The following GALNT18 variants were observed in gnomAD, a reference collection of about 807,000 sequenced individuals.
GALNT18 encodes the protein polypeptide N-acetylgalactosaminyltransferase 18.
A neutral mutation model predicts 69.5 loss-of-function variants in GALNT18; 44 were observed. The ratio of observed to expected loss-of-function variants is 0.63; its 90% CI spans 0.50 to 0.81. The LOEUF (loss-of-function observed/expected upper bound fraction) is 0.81. GALNT18 is among the 40% of genes least tolerant of loss of function. The pLI, the probability that GALNT18 is intolerant of heterozygous loss-of-function variation, is 0.00. For synonymous variants in GALNT18, 364 were observed against 318.2 expected (o/e 1.14, Z -1.53); for missense variants, 715 against 810.0 (o/e 0.88, Z 1.42).
chr11:11,410,997 C>T (rs572187428), intron 3 of GALNT18, among the ~76,000 whole-genome samples: 35 of 152,270 alleles, frequency 2.3e-4, no homozygotes, highest in Non-Finnish European at 4.3e-4. Context: ...TCCTGGGTGC[C>T]ACAGCCCTTG....
At chr11:11,283,026 G>C (rs972647724) in intron 10 of GALNT18, among the ~76,000 whole-genome samples, 2 of 152,182 alleles carry the variant, frequency 1.3e-5, no homozygotes, top group South Asian at 4.1e-4. Context: ...CAAGGGCAAG[G>C]AGGGGAGGAG....
At chr11:11,291,688 C>T (rs1245439102) in intron 10 of GALNT18, among the ~76,000 whole-genome samples, 1 of 151,934 alleles carries the variant, frequency 6.6e-6, no homozygotes. Flanking sequence ...GAAATGCTCC[C>T]ATTTGGCTCC....
intron 1 of GALNT18, among the ~76,000 whole-genome samples, chr11:11,452,039 A>G (rs2133824571): frequency 6.6e-6 from 1 of 152,350 alleles, no homozygotes; most frequent in Non-Finnish European, 1.5e-5. Flanking sequence ...CAGAGATGAT[A>G]TGACCCGAGA....
At chr11:11,344,581 G>A (rs1363891166) in intron 6 of GALNT18, among the ~76,000 whole-genome samples, 10 of 152,116 alleles carry the variant, frequency 6.6e-5, no homozygotes, top group African/African-American at 1.4e-4. Flanking sequence ...GTAGCATGTC[G>A]CACTTGAAAG....
At chr11:11,319,681 G>A (rs888098087) in intron 9 of GALNT18, among the ~76,000 whole-genome samples, 12 of 152,130 alleles carry the variant, frequency 7.9e-5, no homozygotes, top group Non-Finnish European at 1.3e-4. Flanking sequence ...TGCCAAACAT[G>A]GCTCAGTGCT....
intron 6 of GALNT18, among the ~76,000 whole-genome samples, chr11:11,371,974 G>C (rs1201395482): frequency 6.6e-6 from 1 of 152,182 alleles, no homozygotes; most frequent in Non-Finnish European, 1.5e-5. Flanking sequence ...GGCAGGAATG[G>C]GCTGTGGGTC....
rs1860104129 is a variant in GALNT18, at chr11:11,618,256, A to T, written c.235+3103T>A. ...AAAAGAGGAGCCTGGACAAGACTCCAAAGCAAAACACCTTTTTTGGAGAGT... is the reference window on the plus strand; with the variant it reads ...AAAAGAGGAGCCTGGACAAGACTCCTAAGCAAAACACCTTTTTTGGAGAGT... On this transcript the variant is annotated intron_variant, in intron 1 of 10. Coordinates refer to ENST00000227756, the MANE Select transcript of GALNT18 (RefSeq NM_198516.3). The surrounding 1 kb of genome is among the most constrained non-coding windows in gnomAD (Gnocchi z 6.1). 6.6e-6 allele frequency among the ~76,000 whole-genome samples: 1 copy of T among 152,226 alleles called. No individual in the cohort carries two copies.
At chr11:11,295,105 G>A (rs530109635) in intron 9 of GALNT18, among the ~76,000 whole-genome samples, 1 of 152,338 alleles carries the variant, frequency 6.6e-6, no homozygotes, top group East Asian at 1.9e-4. Context: ...GGACAGAAGT[G>A]GAAAGAAGGC....
At chr11:11,581,541 C>G (rs1859085638) in intron 1 of GALNT18, among the ~76,000 whole-genome samples, 1 of 151,882 alleles carries the variant, frequency 6.6e-6, no homozygotes, top group African/African-American at 2.4e-5. Flanking sequence ...TCCTCCCCTG[C>G]CCCCTCCCCA....
At chr11:11,423,988 T>C (rs931006596) in intron 3 of GALNT18, among the ~76,000 whole-genome samples, 1 of 152,208 alleles carries the variant, frequency 6.6e-6, no homozygotes, top group African/African-American at 2.4e-5. Flanking sequence ...TGGGGGTCAC[T>C]TGAGTCTCAG....
intron 1 of GALNT18, among the ~76,000 whole-genome samples, chr11:11,484,797 C>T (rs1157084712): frequency 6.6e-6 from 1 of 152,108 alleles, no homozygotes; most frequent in African/African-American, 2.4e-5. Flanking sequence ...AGGTCCAAAG[C>T]AGGTGAGGAG....
At chr11:11,293,307 C>G (rs959777482) in intron 9 of GALNT18, 114 bp from the exon 10 acceptor site, 4 of 777,902 alleles carry the variant, frequency 5.1e-6, no homozygotes, top group African/African-American at 1.8e-5. Context: ...AGGGAAGACC[C>G]CGGAGTCTTC....
chr11:11,342,669 G>A (rs182363740), intron 6 of GALNT18, among the ~76,000 whole-genome samples: 16 of 152,266 alleles, frequency 1.1e-4, no homozygotes, highest in South Asian at 2.1e-4. Flanking sequence ...CTCATTGAGC[G>A]TCTCCTATGT....
intron 1 of GALNT18, among the ~76,000 whole-genome samples, chr11:11,455,554 C>T (rs1490558817): frequency 6.6e-6 from 1 of 152,154 alleles, no homozygotes; most frequent in African/African-American, 2.4e-5. Context: ...GAGGAAAGAG[C>T]ACTCTGTGGG....
chr11:11,545,309 G>A (rs1270639035), intron 1 of GALNT18, among the ~76,000 whole-genome samples: 1 of 152,192 alleles, frequency 6.6e-6, no homozygotes, highest in Non-Finnish European at 1.5e-5. Context: ...ACCGAAACCA[G>A]TCTTAGCCTA....
chr11:11,619,752 A>G lies in GALNT18; in HGVS notation c.235+1607T>C, dbSNP rs895330499. Among the ~76,000 whole-genome samples, 3 of 152,188 alleles carry G rather than the reference A, an allele frequency of 2.0e-5. No homozygotes were observed. The highest frequency in any genetic ancestry group is 7.2e-5 in the African/African-American group (3 of 41,450). On this transcript the variant is annotated intron_variant, in intron 1 of 10. Coordinates refer to ENST00000227756, the MANE Select transcript of GALNT18 (RefSeq NM_198516.3). This position sits in a 1 kb window ranked among gnomAD's most constrained non-coding sequence, Gnocchi z 4.9. Reference sequence around the variant, plus strand: ...TTCTATTGCTGATTAATAGTCAATCAAGACCTATGGGATGGAAAAGGACAC... The same window carrying G: ...TTCTATTGCTGATTAATAGTCAATCGAGACCTATGGGATGGAAAAGGACAC...
Position 11,495,966 on chromosome 11 carries a change from T to A in GALNT18, c.236-47030A>T, listed in dbSNP as rs549696325. Reference sequence around the variant, plus strand: ...CAGACCCTTTGCAAAGAGTATTACATCCATTCTTTCATTATAACTTCATAA... The same window carrying A: ...CAGACCCTTTGCAAAGAGTATTACAACCATTCTTTCATTATAACTTCATAA... On this transcript the variant is annotated intron_variant, in intron 1 of 10. Transcript: ENST00000227756. 6.6e-5 allele frequency among the ~76,000 whole-genome samples: 10 copies of A among 152,322 alleles called. No individual in the cohort carries two copies. The South Asian group carries it at 1.0e-3, about 16-fold the overall frequency.
chr11:11,429,343 A>G (rs1203959433), intron 3 of GALNT18, among the ~76,000 whole-genome samples: 1 of 152,108 alleles, frequency 6.6e-6, no homozygotes, highest in Admixed American at 6.5e-5. Context: ...TCTTACCCTC[A>G]GTATTCTCTC....
At chr11:11,278,448 G>A (rs1481902168) in intron 10 of GALNT18, among the ~76,000 whole-genome samples, 1 of 151,850 alleles carries the variant, frequency 6.6e-6, no homozygotes, top group Non-Finnish European at 1.5e-5. Flanking sequence ...AACCACCATG[G>A]CACGTGTATA....
Sources: gnomAD v4.1 joint callset for allele counts (sites outside exome capture counted in the v4.1 genomes callset) on GRCh38, gnomAD v4.1.1 for gene constraint, Gnocchi (gnomAD v3.1) non-coding constraint, MANE v1.5 for transcripts, NCBI Gene and HGNC (gene_info 2026-07-23, HGNC 2026-07-21) for gene names.